SEMA3D: variants seen among roughly 807,000 people sequenced by gnomAD.
SEMA3D encodes the protein semaphorin 3D.
A neutral mutation model predicts 100.1 loss-of-function variants in SEMA3D; 84 were observed. That is an observed-to-expected ratio of 0.84 (90% confidence interval 0.70 to 1.01). The LOEUF is 1.01. Ranked by LOEUF, SEMA3D falls within the 50% of genes least tolerant of loss-of-function variation. The probability of loss-of-function intolerance (pLI) is 0.00; values close to 1 mark genes in which losing one functional copy is unlikely to be tolerated. For missense variants in SEMA3D, 875 were observed against 934.1 expected (o/e 0.94, Z 0.82); for synonymous variants, 312 against 320.7 (o/e 0.97, Z 0.29).
At chr7:85,158,721 C>A (rs917387325) in intron 1 of SEMA3D, among the ~76,000 whole-genome samples, 1 of 152,032 alleles carries the variant, frequency 6.6e-6, no homozygotes, top group Non-Finnish European at 1.5e-5. Flanking sequence ...TTGCGGCTTG[C>A]GGGGCATCAC....
chr7:85,002,631 TG>T (rs1161420436), intron 18 of SEMA3D, among the ~76,000 whole-genome samples: 3 of 152,280 alleles, frequency 2.0e-5, no homozygotes, highest in African/African-American at 7.2e-5. Context: ...ATGTAATCTC[TG>T]GCCATTGATT....
At chr7:85,218,347 A>G in the SEMA3D span, among the ~76,000 whole-genome samples, 1 of 152,118 alleles carries the variant, frequency 6.6e-6, no homozygotes, top group Non-Finnish European at 1.5e-5. Context: ...ACATTCATAC[A>G]ATAGGAATAC....
At chr7:85,007,684 G>T (rs1056182531) in intron 17 of SEMA3D, among the ~76,000 whole-genome samples, 5 of 151,702 alleles carry the variant, frequency 3.3e-5, no homozygotes, top group African/African-American at 1.2e-4. Context: ...TCCCTTGTGT[G>T]ATCTAAGAGC....
chr7:85,124,241 C>T (rs12667925), intron 2 of SEMA3D, among the ~76,000 whole-genome samples: 87,210 of 151,708 alleles, frequency 0.57, 26,424 homozygotes, highest in African/African-American at 0.78. Context: ...AAGTTAGTTT[C>T]AACTTGTTAG....
At chr7:85,138,070 A>G (rs1278116159) in intron 2 of SEMA3D, among the ~76,000 whole-genome samples, 7 of 152,144 alleles carry the variant, frequency 4.6e-5, no homozygotes, top group Non-Finnish European at 8.8e-5. Context: ...CAGAAAATGT[A>G]TACTCTCTTA....
intron 3 of SEMA3D, among the ~76,000 whole-genome samples, chr7:85,110,887 A>C (rs147024072): frequency 6.6e-6 from 1 of 152,126 alleles, no homozygotes; most frequent in Non-Finnish European, 1.5e-5. Flanking sequence ...TCAAGAATCC[A>C]TCTTAATCGG....
chr7:85,157,586 T>C, intron 1 of SEMA3D: 1 of 770,356 alleles, frequency 1.3e-6, no homozygotes, highest in Non-Finnish European at 1.6e-6. Flanking sequence ...CATATTTCTC[T>C]TGTTACTTGT....
chr7:85,066,913 C>CACACACACACACACAGAGAGAGAGAGAG, intron 7 of SEMA3D, among the ~76,000 whole-genome samples: 10 of 127,820 alleles, frequency 7.8e-5, no homozygotes, highest in African/African-American at 3.1e-4. Flanking sequence ...CACACACACA[C>CACACACACACACACAGAGAGAGAGAGAG]AGAGAGAGAG....
intron 3 of SEMA3D, among the ~76,000 whole-genome samples, chr7:85,105,502 G>C (rs1788891152): frequency 6.6e-6 from 1 of 151,982 alleles, no homozygotes; most frequent in African/African-American, 2.4e-5. Flanking sequence ...ATTCTCCACT[G>C]TGTACATTTA....
intron 12 of SEMA3D, among the ~76,000 whole-genome samples, chr7:85,024,127 C>A (rs371419743): frequency 6.7e-4 from 102 of 152,016 alleles, no homozygotes; most frequent in African/African-American, 2.4e-3. Flanking sequence ...AATGGAAGAA[C>A]CTTGCATTAA....
chr7:85,141,493 C>T, intron 2 of SEMA3D: 2 of 985,004 alleles, frequency 2.0e-6, no homozygotes, highest in East Asian at 1.1e-4. Flanking sequence ...TGATGCATGT[C>T]CTCCCTAGCA....
At chr7:85,236,885 G>A in the SEMA3D span, among the ~76,000 whole-genome samples, 1 of 152,132 alleles carries the variant, frequency 6.6e-6, no homozygotes, top group Non-Finnish European at 1.5e-5. Context: ...TTTAAAAAAT[G>A]TGTAAAGGAG....
Position 84,996,769 on chromosome 7 carries a change from C to T in SEMA3D, c.*2671G>A, listed in dbSNP as rs77306268. The T allele has an allele frequency of 3.6e-3, 553 of 152,034 alleles. 2 individuals are homozygous for T. Among genetic ancestry groups the T allele is most frequent in the African/African-American group, 0.013 (532 of 41,516 alleles). The allele number at this position is 152,034 out of a possible 1,614,324, so 9.4% of individuals were successfully genotyped here. ...TAAACAGGCATTTTAAGATCCCCTC[C>T]GCAGAGTCAATTTCTTAGCATATTT... On this transcript the variant is annotated 3_prime_UTR_variant, in exon 19 of 19. Coordinates refer to ENST00000284136, the MANE Select transcript of SEMA3D (RefSeq NM_001384900.1).
intron 12 of SEMA3D, among the ~76,000 whole-genome samples, chr7:85,035,178 T>C (rs916685049): frequency 6.6e-6 from 1 of 151,454 alleles, no homozygotes; most frequent in Non-Finnish European, 1.5e-5. Context: ...TCATATATCC[T>C]ATATACATAT....
intron 3 of SEMA3D, among the ~76,000 whole-genome samples, chr7:85,101,696 A>G (rs1293780046): frequency 6.6e-6 from 1 of 152,002 alleles, no homozygotes; most frequent in Non-Finnish European, 1.5e-5. Flanking sequence ...TCTATACCAA[A>G]TGTATAAAAA....
At chr7:85,239,857 T>C in the SEMA3D span, among the ~76,000 whole-genome samples, 1 of 152,232 alleles carries the variant, frequency 6.6e-6, no homozygotes, top group Non-Finnish European at 1.5e-5. Flanking sequence ...CGATTGTCTT[T>C]TGTATATTAA....
chr7:85,090,595 G>C (rs113701409), intron 4 of SEMA3D, among the ~76,000 whole-genome samples: 1,547 of 152,200 alleles, frequency 0.01, 28 homozygotes, highest in African/African-American at 0.035. Context: ...TAAGTGAGAA[G>C]GTTATTTATT....
intron 11 of SEMA3D, among the ~76,000 whole-genome samples, chr7:85,039,380 C>T (rs976247212): frequency 9.2e-5 from 14 of 152,076 alleles, no homozygotes; most frequent in Non-Finnish European, 1.8e-4. Flanking sequence ...GCCTCGGCCT[C>T]CTGAGTAGCT....
At chr7:85,048,666 C>A (rs1048888088) in intron 9 of SEMA3D, among the ~76,000 whole-genome samples, 2 of 151,752 alleles carry the variant, frequency 1.3e-5, no homozygotes, top group African/African-American at 4.8e-5. Flanking sequence ...ACTTGCAATG[C>A]CATAACTATG....
Sources: allele counts gnomAD v4.1 joint callset (sites outside exome capture counted in the v4.1 genomes callset), GRCh38; gene constraint gnomAD v4.1.1; transcripts MANE v1.5; gene names NCBI Gene and HGNC (gene_info 2026-07-23, HGNC 2026-07-21).